Variants in CSMD1 observed in about 807,000 individuals in gnomAD.
The protein encoded by CSMD1 is CUB and sushi domain-containing protein 1.
CSMD1 carries 213 observed loss-of-function variants against 417.5 expected under a neutral mutation model. The ratio of observed to expected loss-of-function variants is 0.51; its 90% CI spans 0.46 to 0.57. The LOEUF (loss-of-function observed/expected upper bound fraction) is 0.57, where lower values mean the gene tolerates loss of function less well. Among genes scored for constraint, CSMD1 ranks in the 20% least tolerant of loss-of-function variants. The probability of loss-of-function intolerance (pLI) is 0.00; values close to 1 mark genes in which losing one functional copy is unlikely to be tolerated. For synonymous variants in CSMD1, 2,862 were observed against 1,736.8 expected (o/e 1.65, Z -16.11); for missense variants, 6,923 against 4,529.7 (o/e 1.53, Z -15.17).
intron 1 of CSMD1, among the ~76,000 whole-genome samples, chr8:4,917,255 G>A (rs932581595): frequency 1.2e-4 from 18 of 152,136 alleles, no homozygotes; most frequent in African/African-American, 4.1e-4. Flanking sequence ...GCAGTAGGGG[G>A]ATGGTTCTAA....
At chr8:3,188,298 T>TC (rs1796200665) in intron 35 of CSMD1, among the ~76,000 whole-genome samples, 1 of 113,808 alleles carries the variant, frequency 8.8e-6, no homozygotes, top group African/African-American at 3.0e-5. Flanking sequence ...CTTTTTCTTT[T>TC]CCTTTCTTTT....
At chr8:4,713,328 G>A (rs1335105681) in intron 1 of CSMD1, among the ~76,000 whole-genome samples, 1 of 152,220 alleles carries the variant, frequency 6.6e-6, no homozygotes, top group South Asian at 2.1e-4. Context: ...ATCCGGTGGT[G>A]TGGTGTCTTG....
chr8:4,741,873 A>C (rs1810631505), intron 1 of CSMD1, among the ~76,000 whole-genome samples: 1 of 151,808 alleles, frequency 6.6e-6, no homozygotes, highest in Non-Finnish European at 1.5e-5. Flanking sequence ...TCACTCTGTC[A>C]CCCAGGCTGG....
At chr8:4,910,399 G>C (rs1036743929) in intron 1 of CSMD1, among the ~76,000 whole-genome samples, 4 of 152,154 alleles carry the variant, frequency 2.6e-5, no homozygotes, top group African/African-American at 7.2e-5. Flanking sequence ...ATAAACAATA[G>C]AAATTTATTT....
intron 1 of CSMD1, among the ~76,000 whole-genome samples, chr8:4,932,786 A>C (rs540627123): frequency 6.6e-6 from 1 of 152,308 alleles, no homozygotes; most frequent in South Asian, 2.1e-4. Context: ...TAAATTTTTA[A>C]ATATTCAATA....
chr8:4,032,107 A>G lies in CSMD1; in HGVS notation c.416-8T>C. The G allele has an allele frequency of 6.3e-7, 1 of 1,589,108 alleles. No homozygotes were observed. The highest frequency in any genetic ancestry group is 8.6e-7 in the Non-Finnish European group (1 of 1,162,930). ...AAGTGTGGCTAGGTAAAACTATTGGAAAAAGAAAAGAAAGGAGAAAAAACA... is the reference window on the plus strand; with the variant it reads ...AAGTGTGGCTAGGTAAAACTATTGGGAAAAGAAAAGAAAGGAGAAAAAACA... On this transcript the variant is annotated splice_polypyrimidine_tract_variant and splice_region_variant and intron_variant, in intron 3 of 69. Transcript: ENST00000635120.
chr8:3,558,387 GTGT>G (rs1799278078), intron 10 of CSMD1, among the ~76,000 whole-genome samples: 2 of 134,330 alleles, frequency 1.5e-5, no homozygotes, highest in African/African-American at 5.5e-5. Flanking sequence ...GTAGTACCCC[GTGT>G]CCACTTCTCC....
intron 3 of CSMD1, among the ~76,000 whole-genome samples, chr8:4,174,895 C>G (rs1166254306): frequency 6.7e-6 from 1 of 150,298 alleles, no homozygotes; most frequent in African/African-American, 2.5e-5. Context: ...ACATCTCAGC[C>G]ACACTCTGAC....
chr8:3,643,652 G>A (rs1433339304), intron 7 of CSMD1, among the ~76,000 whole-genome samples: 4 of 139,556 alleles, frequency 2.9e-5, no homozygotes, highest in Non-Finnish European at 6.0e-5. Flanking sequence ...AGTGAGCCGA[G>A]ATCGCGCCAC....
At chr8:4,063,399 T>A (rs1049581942) in intron 3 of CSMD1, among the ~76,000 whole-genome samples, 1 of 152,140 alleles carries the variant, frequency 6.6e-6, no homozygotes. Context: ...CTATATAGAT[T>A]ATAGTATATA....
intron 3 of CSMD1, among the ~76,000 whole-genome samples, chr8:4,071,113 G>A (rs566589746): frequency 1.3e-5 from 2 of 151,956 alleles, no homozygotes; most frequent in African/African-American, 4.8e-5. Flanking sequence ...AGACTCTTGA[G>A]TCTTTTTTTT....
intron 3 of CSMD1, among the ~76,000 whole-genome samples, chr8:4,069,745 G>A (rs1799447988): frequency 6.6e-6 from 1 of 152,066 alleles, no homozygotes; most frequent in South Asian, 2.1e-4. Context: ...GTTTAGGAAT[G>A]CTGTCTACTT....
intron 5 of CSMD1, among the ~76,000 whole-genome samples, chr8:3,822,901 C>A (rs17067682): frequency 3.3e-4 from 50 of 152,200 alleles, no homozygotes; most frequent in Middle Eastern, 3.4e-3. Context: ...GAGTAACTCA[C>A]TGTGCAGAGC....
intron 3 of CSMD1, among the ~76,000 whole-genome samples, chr8:4,228,319 T>A (rs1675664859): frequency 1.3e-5 from 2 of 152,184 alleles, no homozygotes; most frequent in Non-Finnish European, 2.9e-5. Context: ...AATAGGTGTT[T>A]TATTCTCTGT....
intron 46 of CSMD1, among the ~76,000 whole-genome samples, 184 bp downstream of exon 46, chr8:3,106,344 G>C (rs1321981443): frequency 6.6e-6 from 1 of 152,114 alleles, no homozygotes; most frequent in Non-Finnish European, 1.5e-5. Context: ...GCTGTGGTGA[G>C]CCATGATTGC....
At chr8:4,230,368 C>A (rs990301088) in intron 3 of CSMD1, among the ~76,000 whole-genome samples, 2 of 152,144 alleles carry the variant, frequency 1.3e-5, no homozygotes, top group African/African-American at 4.8e-5. Flanking sequence ...CTCTGGTGAC[C>A]TACCTGAGGT....
intron 3 of CSMD1, among the ~76,000 whole-genome samples, chr8:4,269,051 C>T (rs1047284482): frequency 1.3e-5 from 2 of 152,064 alleles, no homozygotes; most frequent in Non-Finnish European, 2.9e-5. Context: ...GTATCATCTT[C>T]GTCTTTTTGT....
chr8:3,392,227 C>T (rs1811392310), intron 17 of CSMD1, among the ~76,000 whole-genome samples: 1 of 151,592 alleles, frequency 6.6e-6, no homozygotes, highest in African/African-American at 2.4e-5. Flanking sequence ...TGCACGTTGT[C>T]ACATGTACCC....
chr8:3,734,690 G>A (rs1289295225), intron 6 of CSMD1, among the ~76,000 whole-genome samples: 1 of 152,196 alleles, frequency 6.6e-6, no homozygotes, highest in Non-Finnish European at 1.5e-5. Context: ...CAGCATGGGT[G>A]ACAGAGTGAG....
Sources: allele counts gnomAD v4.1 joint callset (sites outside exome capture counted in the v4.1 genomes callset), GRCh38; gene constraint gnomAD v4.1.1; transcripts MANE v1.5; gene names NCBI Gene and HGNC (gene_info 2026-07-23, HGNC 2026-07-21).